The following NUP107 variants were observed in gnomAD, a reference collection of about 807,000 sequenced individuals.
NUP107 encodes nucleoporin 107, also known as nuclear pore complex protein Nup107.
A neutral mutation model predicts 141.0 loss-of-function variants in NUP107; 101 were observed. The observed-to-expected ratio is 0.72, with a 90% CI of 0.61 to 0.84. The LOEUF (loss-of-function observed/expected upper bound fraction) is 0.84. Among genes scored for constraint, NUP107 ranks in the 40% least tolerant of loss-of-function variants. The pLI, the probability that NUP107 is intolerant of heterozygous loss-of-function variation, is 0.00. For synonymous variants in NUP107, 319 were observed against 363.9 expected (o/e 0.88, Z 1.41); for missense variants, 941 against 1,102.7 (o/e 0.85, Z 2.08).
chr12:68,696,771 G>A (rs765207103), intron 5 of NUP107, 48 bp from the exon 6 acceptor site: 29 of 999,838 alleles, frequency 2.9e-5, no homozygotes, highest in East Asian at 2.5e-4. Context: ...CTAGAAGTAC[G>A]TCACTTAACT....
intron 26 of NUP107, among the ~76,000 whole-genome samples, chr12:68,736,313 C>A (rs1445474660): frequency 6.6e-6 from 1 of 152,028 alleles, no homozygotes; most frequent in Non-Finnish European, 1.5e-5. Flanking sequence ...TCTTCTCTGA[C>A]CAGAAGGAGG....
rs191806810 is a variant in NUP107, at chr12:68,741,837, A to G, written c.2527A>G (p.Thr843Ala). 1 of 1,613,324 alleles carries G rather than the reference A, an allele frequency of 6.2e-7. No individual in the cohort carries two copies. Among genetic ancestry groups the G allele is most frequent in the East Asian group, 2.2e-5 (1 of 44,860 alleles). The change falls in exon 27 of 28, where the codon ACA becomes GCA. Residue 843 changes from threonine to alanine, a missense_variant. By Grantham distance (58) the Thr-to-Ala change is moderately conservative. Transcript: ENST00000229179. ...GGATGCCAAAGAAGACCATGAAAGA[A>G]CACATCAAATGGTCTTACTGAGAAA... ...REDAKEDHER[T>A]HQMVLLRKLC...
chr12:68,690,870 A>G lies in NUP107; in HGVS notation c.303+124A>G, dbSNP rs1006574630. On this transcript the variant is annotated intron_variant, in intron 4 of 27. Coordinates refer to ENST00000229179, the MANE Select transcript of NUP107 (RefSeq NM_020401.4). ...CTCCCGCCTTGGCCTCCCAGAAGTC[A>G]GGAGTTTGAGACTAGCCTGCTTAGC... 31 of 872,584 alleles carry G rather than the reference A, an allele frequency of 3.6e-5. No homozygotes were observed. The Admixed American group carries it at 4.5e-4, about 13-fold the overall frequency. The allele number at this position is 872,584 out of a possible 1,614,324, so 54.1% of individuals were successfully genotyped here. A position where few individuals can be genotyped will look rare whatever the true frequency, so the allele number is the denominator to read the frequency against.
intron 7 of NUP107, among the ~76,000 whole-genome samples, chr12:68,701,363 C>A (rs1876318240): frequency 6.6e-6 from 1 of 152,104 alleles, no homozygotes. Flanking sequence ...CTGTTAGAAC[C>A]AGAATAACTT....
rs1418018798 is a variant in NUP107, at chr12:68,745,126, TC to T, written c.*2667del. The T allele has an allele frequency of 1.3e-5, 2 of 152,200 alleles. No individual in the cohort carries two copies. The highest frequency in any genetic ancestry group is 2.9e-5 in the Non-Finnish European group (2 of 68,054). 9.4% of individuals were successfully genotyped at this position (152,200 alleles called of 1,614,324 possible). On this transcript the variant is annotated 3_prime_UTR_variant, in exon 28 of 28. Transcript: ENST00000229179. ...GATGGGGGTCTCACTATGTTGCCCATCCCGGCTTCCAACTCCTGGGCTCAAG... is the reference window on the plus strand; with the variant it reads ...GATGGGGGTCTCACTATGTTGCCCATCCGGCTTCCAACTCCTGGGCTCAAG...
intron 6 of NUP107, among the ~76,000 whole-genome samples, chr12:68,698,487 A>G (rs1165940050): frequency 6.6e-6 from 1 of 152,240 alleles, no homozygotes; most frequent in Non-Finnish European, 1.5e-5. Flanking sequence ...TGTATACACA[A>G]AAACCTACAC....
Position 68,733,554 on chromosome 12 carries a change from C to T in NUP107, c.2204C>T (p.Pro735Leu), listed in dbSNP as rs773914580. ...NQCEEQGMES[P>L]LPAEDDNAIR... is the part of the protein sequence containing the mutation. ...TGCGAGGAACAAGGAATGGAAAGTCCACTTCCTGCTGAAGATGATAATGCT... is the reference window on the plus strand; with the variant it reads ...TGCGAGGAACAAGGAATGGAAAGTCTACTTCCTGCTGAAGATGATAATGCT... The change falls in exon 24 of 28, where the codon CCA becomes CTA. Residue 735 changes from proline (P) to leucine (L), a missense_variant. Transcript: ENST00000229179. The T allele has an allele frequency of 2.5e-6, 4 of 1,613,104 alleles. No homozygotes were observed. The highest frequency in any genetic ancestry group is 1.6e-4 in the Middle Eastern group (1 of 6,082).
At position 68,710,147 on chromosome 12, in the gene NUP107, CAT is replaced by C. The variant is rs2136018236; in HGVS notation, c.890+55_890+56del. The C allele has an allele frequency of 5.5e-6, 5 of 904,306 alleles. No homozygotes were observed. The South Asian group carries it at 6.9e-5, about 12-fold the overall frequency. 56.0% of individuals were successfully genotyped at this position (904,306 alleles called of 1,614,324 possible). ...TCACTCAATGTTGATATTGTTCATTCATCTTTCAATAAGTATTATTCAGTTTT... is the reference window on the plus strand; with the variant it reads ...TCACTCAATGTTGATATTGTTCATTCCTTTCAATAAGTATTATTCAGTTTT... On this transcript the variant is annotated intron_variant, in intron 10 of 27. Coordinates refer to ENST00000229179, the MANE Select transcript of NUP107 (RefSeq NM_020401.4).
intron 8 of NUP107, among the ~76,000 whole-genome samples, chr12:68,707,634 C>A (rs966460178): frequency 6.6e-6 from 1 of 151,944 alleles, no homozygotes; most frequent in Non-Finnish European, 1.5e-5. Flanking sequence ...TGAATATGTG[C>A]ACATGTTTTT....
intron 17 of NUP107, 45 bp downstream of exon 17, chr12:68,722,197 G>A (rs780984792): frequency 6.5e-7 from 1 of 1,534,158 alleles, no homozygotes; most frequent in Non-Finnish European, 9.0e-7. Flanking sequence ...ATAGGAAACA[G>A]TGTTATTCTA....
chr12:68,722,142 C>T lies in NUP107; in HGVS notation c.1496C>T (p.Thr499Ile). The change falls in exon 17 of 28, where the codon ACT becomes ATT. Residue 499 changes from threonine (T) to isoleucine (I), a missense_variant. Transcript: ENST00000229179. ...LEKVFEELQATDKKRVLEENQ... is the reference protein window; with the variant it reads ...LEKVFEELQAIDKKRVLEENQ... Reference sequence around the variant, plus strand: ...AAGGTTTTTGAGGAACTTCAAGCTACTGACAAAAAGGTAAATGTTAATAGG... The same window carrying T: ...AAGGTTTTTGAGGAACTTCAAGCTATTGACAAAAAGGTAAATGTTAATAGG... The T allele has an allele frequency of 6.2e-7, 1 of 1,613,080 alleles. No individual in the cohort carries two copies. The highest frequency in any genetic ancestry group is 8.5e-7 in the Non-Finnish European group (1 of 1,179,572).
rs1465912261 is a variant in NUP107, at chr12:68,726,630, G to A, written c.1695+13G>A. The A allele has an allele frequency of 9.4e-6, 14 of 1,488,448 alleles. No individual in the cohort carries two copies. The highest frequency in any genetic ancestry group is 1.4e-5 in the African/African-American group (1 of 72,196). The allele number at this position is 1,488,448 out of a possible 1,614,324, so 92.2% of individuals were successfully genotyped here. A position where few individuals can be genotyped will look rare whatever the true frequency, so the allele number is the denominator to read the frequency against. On this transcript the variant is annotated intron_variant, in intron 19 of 27. Transcript: ENST00000229179. ...ACTACAGACCAAGGTATATAAAAAT[G>A]AACGATTTCTTCTTCTCTGTAATGT... is the stretch of plus-strand genomic sequence containing the variant.
intron 20 of NUP107, among the ~76,000 whole-genome samples, chr12:68,728,927 C>A (rs192946370): frequency 6.4e-4 from 97 of 152,222 alleles, no homozygotes; most frequent in African/African-American, 2.3e-3. Flanking sequence ...TACAGTATAT[C>A]AAGCAATTCA....
chr12:68,687,220 GC>G, intron 1 of NUP107, 147 bp downstream of exon 1: 2 of 1,190,508 alleles, frequency 1.7e-6, no homozygotes, highest in Non-Finnish European at 2.4e-6. Context: ...GGGAAATTTG[GC>G]CACAAATGGG....
intron 8 of NUP107, 64 bp downstream of exon 8, chr12:68,702,848 T>TC: frequency 1.3e-6 from 1 of 783,084 alleles, no homozygotes; most frequent in East Asian, 3.7e-5. Context: ...CTAATAGGAT[T>TC]TTTTTTTTTT....
intron 2 of NUP107, 92 bp from the exon 3 acceptor site, chr12:68,689,441 T>A: frequency 1.4e-6 from 1 of 737,334 alleles, no homozygotes; most frequent in Non-Finnish European, 2.3e-6. Context: ...TTGAAAAATG[T>A]ATTCACATAA....
intron 7 of NUP107, among the ~76,000 whole-genome samples, chr12:68,701,334 T>C (rs1876316985): frequency 6.6e-6 from 1 of 152,232 alleles, no homozygotes; most frequent in African/African-American, 2.4e-5. Flanking sequence ...AGGAATTGGC[T>C]AAATGAATTA....
intron 10 of NUP107, among the ~76,000 whole-genome samples, chr12:68,710,454 A>C (rs749369163): frequency 6.6e-6 from 1 of 152,170 alleles, no homozygotes; most frequent in Non-Finnish European, 1.5e-5. Flanking sequence ...CAGGAGTTCC[A>C]GACCAGCCTG....
At chr12:68,721,437 A>G (rs1269509583) in intron 15 of NUP107, among the ~76,000 whole-genome samples, 2 of 152,182 alleles carry the variant, frequency 1.3e-5, no homozygotes, top group African/African-American at 4.8e-5. Flanking sequence ...TTTAACTCCA[A>G]CACACATTTA....
Sources: allele counts gnomAD v4.1 joint callset (sites outside exome capture counted in the v4.1 genomes callset), GRCh38; gene constraint gnomAD v4.1.1; transcripts MANE v1.5; gene names NCBI Gene and HGNC (gene_info 2026-07-23, HGNC 2026-07-21).